The following PDE4D variants were observed in gnomAD, a reference collection of about 807,000 sequenced individuals.
PDE4D encodes the protein 3',5'-cyclic-AMP phosphodiesterase 4D.
Under a neutral mutation model 87.4 loss-of-function variants are expected in PDE4D, and 24 were observed. The ratio of observed to expected loss-of-function variants is 0.27; its 90% CI spans 0.20 to 0.39. The LOEUF is 0.39. Ranked by LOEUF, PDE4D falls within the 10% of genes least tolerant of loss-of-function variation. The probability of loss-of-function intolerance (pLI) is 1.00; values close to 1 mark genes in which losing one functional copy is unlikely to be tolerated. For missense variants in PDE4D, 714 were observed against 1,041.0 expected, an observed-to-expected ratio of 0.69 and a Z score of 4.32; for synonymous variants, 384 against 383.2, an observed-to-expected ratio of 1.00 and a Z score of -0.02.
At chr5:59,369,241 C>T (rs1783571325) in intron 1 of PDE4D, among the ~76,000 whole-genome samples, 1 of 152,146 alleles carries the variant, frequency 6.6e-6, no homozygotes, top group Admixed American at 6.5e-5. Context: ...GTGTAGGAAT[C>T]TACACATATC....
intron 1 of PDE4D, among the ~76,000 whole-genome samples, chr5:59,345,007 T>A (rs1779388150): frequency 6.6e-6 from 1 of 152,024 alleles, no homozygotes; most frequent in African/African-American, 2.4e-5. Context: ...ATATCATCAA[T>A]CAGTTATGGG....
intron 2 of PDE4D, among the ~76,000 whole-genome samples, chr5:59,207,041 C>G (rs867704235): frequency 1.3e-5 from 2 of 151,788 alleles, no homozygotes; most frequent in South Asian, 4.2e-4. Context: ...AAAAATTAGC[C>G]GGGTGTGGTA....
At chr5:59,809,927 A>G (rs1041126885) in intron 1 of PDE4D, among the ~76,000 whole-genome samples, 1 of 152,210 alleles carries the variant, frequency 6.6e-6, no homozygotes, top group African/African-American at 2.4e-5. Context: ...GCTTTATTGC[A>G]TCGTTTATTA....
chr5:59,800,742 C>T (rs930670971), intron 1 of PDE4D, among the ~76,000 whole-genome samples: 2 of 152,080 alleles, frequency 1.3e-5, no homozygotes, highest in African/African-American at 4.8e-5. Context: ...CTTTGTTCCA[C>T]ACACTTCTGG....
intron 1 of PDE4D, among the ~76,000 whole-genome samples, chr5:59,766,746 G>C (rs1000259460): frequency 2.6e-5 from 4 of 152,226 alleles, no homozygotes; most frequent in Non-Finnish European, 5.9e-5. Context: ...GCATCTCCCA[G>C]TGTTTATTCA....
intron 1 of PDE4D, among the ~76,000 whole-genome samples, chr5:60,467,722 T>G (rs959147325): frequency 2.0e-5 from 3 of 152,146 alleles, no homozygotes; most frequent in Admixed American, 1.3e-4. Context: ...TCCCCAGGCT[T>G]AACAGGAAGC....
At chr5:59,474,375 G>A (rs1562251396) in intron 1 of PDE4D, among the ~76,000 whole-genome samples, 2 of 152,074 alleles carry the variant, frequency 1.3e-5, no homozygotes, top group Admixed American at 6.6e-5. Context: ...ATTTGGAAAG[G>A]AGTACAGAAA....
intron 1 of PDE4D, among the ~76,000 whole-genome samples, chr5:60,444,744 G>A (rs1049316265): frequency 6.6e-6 from 1 of 151,892 alleles, no homozygotes. Context: ...ATGTGGAAGA[G>A]TGGTCAGGGA....
At chr5:60,113,674 C>G (rs1182151217) in intron 2 of PDE4D, among the ~76,000 whole-genome samples, 1 of 152,126 alleles carries the variant, frequency 6.6e-6, no homozygotes, top group Non-Finnish European at 1.5e-5. Context: ...GTTCCTAAAT[C>G]TGTTCTCTTC....
At chr5:59,191,450 T>G (rs1744281159) in intron 3 of PDE4D, among the ~76,000 whole-genome samples, 1 of 152,144 alleles carries the variant, frequency 6.6e-6, no homozygotes, top group Non-Finnish European at 1.5e-5. Context: ...AATAGCTACT[T>G]GAATGAACTC....
chr5:59,122,617 T>A (rs938621488), intron 5 of PDE4D, among the ~76,000 whole-genome samples: 7 of 152,250 alleles, frequency 4.6e-5, no homozygotes, highest in Admixed American at 2.6e-4. Context: ...ATATTGTGTA[T>A]GTAACAAAAC....
chr5:59,829,846 C>T (rs1270696303), intron 1 of PDE4D, among the ~76,000 whole-genome samples: 1 of 151,930 alleles, frequency 6.6e-6, no homozygotes, highest in Non-Finnish European at 1.5e-5. Flanking sequence ...ATGGATAAAC[C>T]TGGCGTCACA....
At chr5:60,336,655 C>T (rs987735781) in intron 1 of PDE4D, among the ~76,000 whole-genome samples, 4 of 152,154 alleles carry the variant, frequency 2.6e-5, no homozygotes, top group Non-Finnish European at 5.9e-5. Flanking sequence ...AATCTCACTC[C>T]CTCCTCTCTT....
At chr5:59,729,345 A>G (rs1757050306) in intron 1 of PDE4D, among the ~76,000 whole-genome samples, 1 of 152,098 alleles carries the variant, frequency 6.6e-6, no homozygotes, top group Non-Finnish European at 1.5e-5. Context: ...GACCAACAGA[A>G]AGTTTCGTAT....
At chr5:58,977,684 C>T (rs1744129718) in intron 11 of PDE4D, among the ~76,000 whole-genome samples, 1 of 152,108 alleles carries the variant, frequency 6.6e-6, no homozygotes, top group Non-Finnish European at 1.5e-5. Flanking sequence ...GTATCTATAA[C>T]ACATCCAGAG....
intron 1 of PDE4D, among the ~76,000 whole-genome samples, chr5:59,687,544 G>A (rs184567905): frequency 5.8e-4 from 88 of 152,204 alleles, no homozygotes; most frequent in Admixed American, 1.3e-3. Context: ...GTCACCACCA[G>A]GCCTAGAAGA....
At chr5:59,232,671 G>A (rs1755492093) in intron 1 of PDE4D, among the ~76,000 whole-genome samples, 1 of 151,970 alleles carries the variant, frequency 6.6e-6, no homozygotes, top group Admixed American at 6.6e-5. Flanking sequence ...CCTACTGGGT[G>A]TTTATCTAAA....
At chr5:60,044,041 T>G (rs1007093106) in intron 2 of PDE4D, among the ~76,000 whole-genome samples, 5 of 152,136 alleles carry the variant, frequency 3.3e-5, no homozygotes, top group Non-Finnish European at 7.3e-5. Flanking sequence ...CTTTCATGTT[T>G]TCTGGTTGTC....
At chr5:60,453,737 C>T (rs1422031202) in intron 1 of PDE4D, among the ~76,000 whole-genome samples, 4 of 151,938 alleles carry the variant, frequency 2.6e-5, no homozygotes, top group African/African-American at 7.2e-5. Flanking sequence ...GTACTTCTCC[C>T]GCTTTCTAAC....
Sources: gnomAD v4.1 joint callset for allele counts (sites outside exome capture counted in the v4.1 genomes callset) on GRCh38, gnomAD v4.1.1 for gene constraint, MANE v1.5 for transcripts, NCBI Gene and HGNC (gene_info 2026-07-23, HGNC 2026-07-21) for gene names.